MICU2: variants seen among roughly 807,000 people sequenced by gnomAD.
MICU2 encodes the protein mitochondrial calcium uptake 2, also known as calcium uptake protein 2, mitochondrial.
In MICU2, 64 loss-of-function variants were observed where a neutral mutation model predicts 60.4. That is an observed-to-expected ratio of 1.06 (90% CI 0.87 to 1.31). The LOEUF (loss-of-function observed/expected upper bound fraction) is 1.31. Among genes scored for constraint, MICU2 ranks in the 50% most tolerant of loss-of-function variants. MICU2 has a pLI of 0.00. For missense variants in MICU2, 569 were observed against 531.0 expected (o/e 1.07, Z -0.70); for synonymous variants, 201 against 175.0 (o/e 1.15, Z -1.17).
At chr13:21,583,240 G>A (rs1273201049) in intron 1 of MICU2, among the ~76,000 whole-genome samples, 1 of 152,110 alleles carries the variant, frequency 6.6e-6, no homozygotes, top group Non-Finnish European at 1.5e-5. Context: ...CAGAGACCTT[G>A]TCTATATAAG....
intron 2 of MICU2, among the ~76,000 whole-genome samples, chr13:21,542,331 C>T (rs1887303418): frequency 6.6e-6 from 1 of 152,218 alleles, no homozygotes; most frequent in South Asian, 2.1e-4. Context: ...ATATTAAATA[C>T]ACCTAAGTAT....
At chr13:21,519,942 G>GCCA (rs1316889204) in intron 6 of MICU2, among the ~76,000 whole-genome samples, 2 of 152,178 alleles carry the variant, frequency 1.3e-5, no homozygotes, top group Non-Finnish European at 1.5e-5. Context: ...TACCAGTGTA[G>GCCA]CCACCACTCC....
At chr13:21,534,985 C>T (rs973133168) in intron 4 of MICU2, among the ~76,000 whole-genome samples, 1 of 152,108 alleles carries the variant, frequency 6.6e-6, no homozygotes, top group Non-Finnish European at 1.5e-5. Context: ...TGAGGCACTA[C>T]CAGGAGTCTG....
At chr13:21,525,978 G>C (rs189432645) in intron 4 of MICU2, among the ~76,000 whole-genome samples, 89 of 150,956 alleles carry the variant, frequency 5.9e-4, no homozygotes, top group African/African-American at 2.1e-3. Flanking sequence ...TCTGTTTCCC[G>C]GGCTGGAGTA....
intron 1 of MICU2, among the ~76,000 whole-genome samples, chr13:21,569,088 C>A (rs1455339848): frequency 6.6e-6 from 1 of 152,088 alleles, no homozygotes; most frequent in Non-Finnish European, 1.5e-5. Context: ...AACTAAGGCT[C>A]GCTTTCTTTC....
chr13:21,519,440 T>C lies in MICU2; in HGVS notation c.597+1805A>G, dbSNP rs546682702. ...TCCATTATCCTGCACTCAGACTCCA[T>C]TATCCTGCACTCTCTGGGCTCTTTG... On this transcript the variant is annotated intron_variant, in intron 6 of 11. Coordinates refer to ENST00000382374, the MANE Select transcript of MICU2 (RefSeq NM_152726.3). Among the ~76,000 whole-genome samples, 12 of 152,300 alleles carry C rather than the reference T, an allele frequency of 7.9e-5. No individual in the cohort carries two copies. The East Asian group carries it at 2.3e-3, about 29-fold the overall frequency.
chr13:21,580,632 A>G (rs1038221925), intron 1 of MICU2, among the ~76,000 whole-genome samples: 3 of 152,174 alleles, frequency 2.0e-5, no homozygotes, highest in African/African-American at 7.2e-5. Context: ...AACTCAAATG[A>G]ATTTTGTCAC....
In MICU2 at chr13:21,538,577, A is replaced by AAC. The variant is rs1368787903; in HGVS notation, c.466+724_466+725insGT. 4.7e-4 allele frequency among the ~76,000 whole-genome samples: 71 copies of AAC among 150,838 alleles called. 2 individuals are homozygous for AAC. Among genetic ancestry groups the AAC allele is most frequent in the Admixed American group, 4.2e-3 (63 of 15,154 alleles). ...GACCCTGTCTCAAAAAAAAAAAAAA[A>AAC]AAACCCCAAACAACCCACACCAATA... On this transcript the variant is annotated intron_variant, in intron 4 of 11. Coordinates refer to ENST00000382374, the MANE Select transcript of MICU2 (RefSeq NM_152726.3).
intron 4 of MICU2, among the ~76,000 whole-genome samples, chr13:21,527,081 T>C (rs1045543994): frequency 5.3e-5 from 8 of 152,232 alleles, no homozygotes; most frequent in African/African-American, 1.9e-4. Context: ...GTTGTTTCTA[T>C]TTTGGAGCAG....
chr13:21,512,253 G>C (rs886288293), intron 7 of MICU2, among the ~76,000 whole-genome samples: 2 of 152,034 alleles, frequency 1.3e-5, no homozygotes, highest in Non-Finnish European at 2.9e-5. Flanking sequence ...TATTTTCTTT[G>C]GAGAAATATT....
intron 4 of MICU2, among the ~76,000 whole-genome samples, chr13:21,535,965 A>T (rs2137994273): frequency 6.6e-6 from 1 of 152,340 alleles, no homozygotes; most frequent in East Asian, 1.9e-4. Context: ...TTTGAATTTA[A>T]GTCTGTCAAC....
At chr13:21,493,423 C>T (rs1034731214) in intron 11 of MICU2, 70 bp from the exon 12 acceptor site, 12 of 1,078,494 alleles carry the variant, frequency 1.1e-5, no homozygotes, top group East Asian at 1.0e-4. Context: ...ATATACTTTA[C>T]GTTACTGTTT....
intron 2 of MICU2, among the ~76,000 whole-genome samples, chr13:21,561,718 T>A (rs562984216): frequency 3.8e-4 from 57 of 151,184 alleles, no homozygotes; most frequent in African/African-American, 7.5e-4. Context: ...TCTCTTTTTT[T>A]TTATTATTAT....
rs1249274973 is a variant in MICU2 at position 21,604,170 on chromosome 13, C to A, written c.-22G>T. 1 of 1,528,716 alleles carries A rather than the reference C, an allele frequency of 6.5e-7. No homozygotes were observed. Among genetic ancestry groups the A allele is most frequent in the Non-Finnish European group, 8.7e-7 (1 of 1,143,400 alleles). The allele number at this position is 1,528,716 out of a possible 1,614,324, so 94.7% of individuals were successfully genotyped here. A position where few individuals can be genotyped will look rare whatever the true frequency, so the allele number is the denominator to read the frequency against. On this transcript the variant is annotated 5_prime_UTR_variant, in exon 1 of 12. Transcript: ENST00000382374. The stretch of plus-strand genomic sequence containing the variant: ...CCATCTTTGCGGAAGCGCAGCTAGG[C>A]GGCGCTTCTCTCCCGGCGCCGCCGC...
rs1462397773 is a variant in MICU2, at chr13:21,493,157, G to T, written c.*92C>A. The T allele has an allele frequency of 2.9e-6, 2 of 688,648 alleles. No homozygotes were observed. Among genetic ancestry groups the T allele is most frequent in the South Asian group, 2.3e-5 (1 of 43,096 alleles). The allele number at this position is 688,648 out of a possible 1,614,324, so 42.7% of individuals were successfully genotyped here. A position where few individuals can be genotyped will look rare whatever the true frequency, so the allele number is the denominator to read the frequency against. On this transcript the variant is annotated 3_prime_UTR_variant, in exon 12 of 12. Transcript: ENST00000382374. ...TGCTTATTTCACACAGAATATCAAT[G>T]AAGACTTAAGAAGATAAATAGCAAG...
At position 21,539,729 on chromosome 13, in the gene MICU2, T is replaced by C. The variant is rs1226751864; in HGVS notation, c.359-41A>G. 4 of 1,579,348 alleles carry C rather than the reference T, an allele frequency of 2.5e-6. No homozygotes were observed. In the Admixed American group the frequency reaches 5.2e-5, roughly 20 times the overall value. On this transcript the variant is annotated intron_variant, in intron 2 of 11. Transcript: ENST00000382374. ...AACATTATTTAGTATCCATATTCTT[T>C]GGTAAAACTCAACTTGCACTAAGAA...
intron 4 of MICU2, among the ~76,000 whole-genome samples, chr13:21,530,070 T>C (rs1456917082): frequency 1.3e-5 from 2 of 152,242 alleles, no homozygotes. Flanking sequence ...ATTCTGTAAC[T>C]CTCCAGTTCT....
At chr13:21,508,389 G>A (rs191255305) in intron 8 of MICU2, among the ~76,000 whole-genome samples, 154 of 152,108 alleles carry the variant, frequency 1.0e-3, no homozygotes, top group African/African-American at 3.6e-3. Flanking sequence ...CTTCCAAAGT[G>A]CCAGGATTAC....
At chr13:21,536,671 TG>T (rs1854950961) in intron 4 of MICU2, among the ~76,000 whole-genome samples, 1 of 152,210 alleles carries the variant, frequency 6.6e-6, no homozygotes, top group Admixed American at 6.5e-5. Context: ...GTAAATCTCT[TG>T]AGATAACTGT....
Sources: allele counts gnomAD v4.1 joint callset (sites outside exome capture counted in the v4.1 genomes callset), GRCh38; gene constraint gnomAD v4.1.1; transcripts MANE v1.5; gene names NCBI Gene and HGNC (gene_info 2026-07-23, HGNC 2026-07-21).